TIAM2: variants seen among roughly 807,000 people sequenced by gnomAD.
The protein encoded by TIAM2 is TIAM Rac1 associated GEF 2.
TIAM2 carries 80 observed loss-of-function variants against 152.9 expected under a neutral mutation model. The ratio of observed to expected loss-of-function variants is 0.52; its 90% CI spans 0.44 to 0.63. The LOEUF is 0.63. TIAM2 is among the 30% of genes least tolerant of loss of function. The probability of loss-of-function intolerance (pLI) is 0.00; values close to 1 mark genes in which losing one functional copy is unlikely to be tolerated. For synonymous variants in TIAM2, 804 were observed against 838.0 expected, an observed-to-expected ratio of 0.96 and a Z score of 0.70; for missense variants, 1,965 against 2,120.1, an observed-to-expected ratio of 0.93 and a Z score of 1.44.
chr6:155,139,841 G>T (rs1016210290), intron 5 of TIAM2, among the ~76,000 whole-genome samples: 2 of 152,214 alleles, frequency 1.3e-5, no homozygotes, highest in Non-Finnish European at 2.9e-5. Context: ...TCAGGAGGCT[G>T]AGGCTGCAGA....
chr6:155,137,677 G>A, intron 5 of TIAM2, 65 bp downstream of exon 5: 6 of 1,481,146 alleles, frequency 4.1e-6, no homozygotes, highest in Non-Finnish European at 5.4e-6. Flanking sequence ...TCTTTGCCAG[G>A]AAGTGCCAAG....
Position 155,196,513 on chromosome 6 carries a change from A to G in TIAM2, c.3064+13013A>G, listed in dbSNP as rs371658875. Among the ~76,000 whole-genome samples the G allele has an allele frequency of 4.0e-4, 61 of 152,304 alleles. 1 individual carries two copies. In the South Asian group the frequency reaches 0.011, roughly 26 times the overall value. ...GGTGTTGGGAAGCGGGAGTTACTCA[A>G]TGATTGGGAATCTTAATAATCTTAC... is the stretch of plus-strand genomic sequence containing the variant. On this transcript the variant is annotated intron_variant, in intron 14 of 26. Coordinates refer to ENST00000682666, the MANE Select transcript of TIAM2 (RefSeq NM_012454.4).
At chr6:155,024,985 C>G (rs1038700792) in intron 1 of TIAM2, among the ~76,000 whole-genome samples, 3 of 152,048 alleles carry the variant, frequency 2.0e-5, no homozygotes, top group African/African-American at 7.2e-5. Context: ...TTCCATAGAA[C>G]CTGGTTTTAT....
intron 15 of TIAM2, among the ~76,000 whole-genome samples, chr6:155,216,384 A>G (rs1781862248): frequency 6.6e-6 from 1 of 152,244 alleles, no homozygotes; most frequent in Non-Finnish European, 1.5e-5. Flanking sequence ...ACATTAGAAT[A>G]AAGAATAATT....
chr6:155,041,073 G>A (rs995884023), intron 1 of TIAM2, among the ~76,000 whole-genome samples: 1 of 152,044 alleles, frequency 6.6e-6, no homozygotes, highest in Non-Finnish European at 1.5e-5. Context: ...ACTGCCCATT[G>A]TTCTAAGTGC....
At chr6:155,246,697 T>A (rs1387048822) in intron 19 of TIAM2, among the ~76,000 whole-genome samples, 1 of 152,138 alleles carries the variant, frequency 6.6e-6, no homozygotes, top group African/African-American at 2.4e-5. Context: ...TACTTGTCAA[T>A]ACATATTGAC....
chr6:155,114,318 G>A (rs1424975975), intron 2 of TIAM2, among the ~76,000 whole-genome samples: 4 of 151,696 alleles, frequency 2.6e-5, no homozygotes, highest in African/African-American at 9.7e-5. Context: ...GCCTCCCAAA[G>A]TGTTGGGATT....
At chr6:155,106,062 T>C (rs1778681031) in intron 2 of TIAM2, among the ~76,000 whole-genome samples, 1 of 151,624 alleles carries the variant, frequency 6.6e-6, no homozygotes, top group South Asian at 2.1e-4. Context: ...TGGAGTGCAG[T>C]GGCGTGATCT....
At chr6:155,065,249 C>T (rs1353316027) in intron 1 of TIAM2, among the ~76,000 whole-genome samples, 4 of 151,948 alleles carry the variant, frequency 2.6e-5, no homozygotes, top group Non-Finnish European at 4.4e-5. Context: ...CCACCATACC[C>T]GGCCATATAT....
intron 15 of TIAM2, among the ~76,000 whole-genome samples, chr6:155,237,926 A>G (rs775862024): frequency 6.6e-6 from 1 of 152,246 alleles, no homozygotes; most frequent in Non-Finnish European, 1.5e-5. Context: ...GGGGATTAAC[A>G]TTCAGTCCCT....
At chr6:155,224,106 G>A (rs1782157082) in intron 15 of TIAM2, among the ~76,000 whole-genome samples, 1 of 152,006 alleles carries the variant, frequency 6.6e-6, no homozygotes, top group Admixed American at 6.5e-5. Flanking sequence ...GCTGCCTTCT[G>A]TCAATATTCT....
chr6:155,200,536 T>C (rs550953647), intron 14 of TIAM2, among the ~76,000 whole-genome samples: 3 of 152,166 alleles, frequency 2.0e-5, no homozygotes, highest in Non-Finnish European at 4.4e-5. Context: ...ATTCACAAAA[T>C]TGTGCAACCA....
At chr6:155,223,489 A>G (rs1490450393) in intron 15 of TIAM2, among the ~76,000 whole-genome samples, 1 of 145,706 alleles carries the variant, frequency 6.9e-6, no homozygotes, top group Non-Finnish European at 1.5e-5. Context: ...AATAGATTAT[A>G]TTGATGATGG....
chr6:155,067,132 G>T (rs1051696545), intron 1 of TIAM2, among the ~76,000 whole-genome samples: 1 of 152,132 alleles, frequency 6.6e-6, no homozygotes, highest in African/African-American at 2.4e-5. Context: ...TGGTACAGCC[G>T]CAGGATCGTA....
chr6:155,235,395 C>T (rs1053105961), intron 15 of TIAM2, among the ~76,000 whole-genome samples: 5 of 152,212 alleles, frequency 3.3e-5, no homozygotes, highest in African/African-American at 1.2e-4. Context: ...CCCAGGCCTT[C>T]TGACTCTCAT....
At chr6:155,013,318 C>T (rs1778519284) in intron 1 of TIAM2, among the ~76,000 whole-genome samples, 1 of 152,148 alleles carries the variant, frequency 6.6e-6, no homozygotes, top group Admixed American at 6.6e-5. Context: ...TGTAAGTTCT[C>T]TGTATTCCGA....
chr6:155,039,714 A>G (rs1776986376), intron 1 of TIAM2, among the ~76,000 whole-genome samples: 1 of 152,184 alleles, frequency 6.6e-6, no homozygotes, highest in Non-Finnish European at 1.5e-5. Flanking sequence ...CCCTTCCCAG[A>G]ACCATAGGAG....
rs750451529 is a variant in TIAM2, at chr6:155,179,377, G to T, written c.2629-1G>T. Reference sequence around the variant, plus strand: ...GATTTTGTTGTTTTCACCTTTTGCAGGTTTATGATGAAATAGAAGTCTTTC... The same window carrying T: ...GATTTTGTTGTTTTCACCTTTTGCATGTTTATGATGAAATAGAAGTCTTTC... On this transcript the variant is annotated splice_acceptor_variant, in intron 11 of 26. Coordinates refer to ENST00000682666, the MANE Select transcript of TIAM2 (RefSeq NM_012454.4). LOFTEE classifies it high-confidence loss of function. The T allele has an allele frequency of 6.2e-7, 1 of 1,613,578 alleles. No homozygotes were observed. Among genetic ancestry groups the T allele is most frequent in the Admixed American group, 1.7e-5 (1 of 59,896 alleles).
chr6:155,204,475 C>T (rs975551732), intron 14 of TIAM2, among the ~76,000 whole-genome samples: 4 of 152,016 alleles, frequency 2.6e-5, no homozygotes, highest in African/African-American at 7.2e-5. Flanking sequence ...AGTATTCAAA[C>T]CATAGTTTTT....
Sources: allele counts gnomAD v4.1 joint callset (sites outside exome capture counted in the v4.1 genomes callset), GRCh38; gene constraint gnomAD v4.1.1; transcripts MANE v1.5; gene names NCBI Gene and HGNC (gene_info 2026-07-23, HGNC 2026-07-21).